The following ANKRD30A variants were observed in gnomAD, a reference collection of about 807,000 sequenced individuals.
The protein encoded by ANKRD30A is ankyrin repeat domain-containing protein 30A.
In ANKRD30A, 170 loss-of-function variants were observed where a neutral mutation model predicts 166.3. The ratio of observed to expected loss-of-function variants is 1.02; its 90% CI spans 0.90 to 1.16. ANKRD30A has a LOEUF of 1.16. ANKRD30A is among the 50% of genes most tolerant of loss of function. ANKRD30A has a pLI of 0.00. For missense variants in ANKRD30A, 1,630 were observed against 1,518.0 expected (o/e 1.07, Z -1.23); for synonymous variants, 564 against 508.9 (o/e 1.11, Z -1.46).
chr10:37,220,214 C>T (rs1357719148), intron 34 of ANKRD30A, among the ~76,000 whole-genome samples: 1 of 150,118 alleles, frequency 6.7e-6, no homozygotes, highest in Non-Finnish European at 1.5e-5. Flanking sequence ...TTGGCTTTTA[C>T]TGTTGAAATA....
At chr10:37,263,538 G>A in the ANKRD30A span, among the ~76,000 whole-genome samples, 2 of 151,250 alleles carry the variant, frequency 1.3e-5, no homozygotes, top group Non-Finnish European at 2.9e-5. Context: ...AGATCATCAG[G>A]CATTAAATTT....
At chr10:37,239,712 T>G in the ANKRD30A span, among the ~76,000 whole-genome samples, 3 of 152,138 alleles carry the variant, frequency 2.0e-5, no homozygotes, top group Non-Finnish European at 2.9e-5. Flanking sequence ...TTGTAATTTT[T>G]TCTCAGGTTT....
At chr10:37,257,525 T>C in the ANKRD30A span, among the ~76,000 whole-genome samples, 1 of 152,206 alleles carries the variant, frequency 6.6e-6, no homozygotes, top group Non-Finnish European at 1.5e-5. Flanking sequence ...AGCTTTCTGT[T>C]GTGGGAATTG....
chr10:37,253,649 CTTTT>C, the ANKRD30A span, among the ~76,000 whole-genome samples: 1 of 130,054 alleles, frequency 7.7e-6, no homozygotes, highest in Non-Finnish European at 1.6e-5. Flanking sequence ...TTTTCTTTTT[CTTTT>C]TTTTTTTTTT....
chr10:37,139,584 T>C (rs181966820), intron 6 of ANKRD30A, among the ~76,000 whole-genome samples: 4 of 152,376 alleles, frequency 2.6e-5, no homozygotes, highest in African/African-American at 9.6e-5. Flanking sequence ...CTTTCAGCCA[T>C]AACCATATCT....
At chr10:37,234,144 C>A (rs1843567625), downstream of ANKRD30A, among the ~76,000 whole-genome samples, 1 of 152,150 alleles carries the variant, frequency 6.6e-6, no homozygotes, top group South Asian at 2.1e-4. Context: ...GTTCTTGCAC[C>A]TGTCACCAAC....
At chr10:37,225,607 G>A in intron 34 of ANKRD30A, among the ~76,000 whole-genome samples, 1 of 151,802 alleles carries the variant, frequency 6.6e-6, no homozygotes, top group East Asian at 1.9e-4. Flanking sequence ...GCTTTGAGCA[G>A]TGAAAGAGAT....
downstream of ANKRD30A, among the ~76,000 whole-genome samples, chr10:37,232,831 G>A (rs1843505901): frequency 6.9e-6 from 1 of 145,912 alleles, no homozygotes; most frequent in African/African-American, 2.5e-5. Flanking sequence ...AGGCTGTAGT[G>A]TATCATAATC....
intron 31 of ANKRD30A, among the ~76,000 whole-genome samples, chr10:37,208,726 A>G (rs943729862): frequency 2.6e-5 from 4 of 152,122 alleles, no homozygotes; most frequent in African/African-American, 9.7e-5. Context: ...TCAGAAACAA[A>G]TTGCATTCTT....
At chr10:37,214,346 T>C (rs890923636) in intron 31 of ANKRD30A, among the ~76,000 whole-genome samples, 1 of 151,436 alleles carries the variant, frequency 6.6e-6, no homozygotes, top group African/African-American at 2.4e-5. Flanking sequence ...TACTTTTATA[T>C]CCATTCTGAC....
At chr10:37,147,000 G>A (rs1419436263) in intron 8 of ANKRD30A, among the ~76,000 whole-genome samples, 5 of 152,210 alleles carry the variant, frequency 3.3e-5, no homozygotes, top group African/African-American at 1.2e-4. Context: ...CCCAACATGT[G>A]TTATGGCAGG....
At chr10:37,201,565 A>G (rs925666116) in intron 31 of ANKRD30A, among the ~76,000 whole-genome samples, 1 of 152,098 alleles carries the variant, frequency 6.6e-6, no homozygotes, top group Non-Finnish European at 1.5e-5. Context: ...ACCTGAGGAC[A>G]ATGAGAAAAT....
chr10:37,146,238 T>G (rs1837503444), intron 8 of ANKRD30A, among the ~76,000 whole-genome samples: 1 of 152,288 alleles, frequency 6.6e-6, no homozygotes, highest in African/African-American at 2.4e-5. Context: ...ACTTTTTCAT[T>G]TTATTCAAGT....
At chr10:37,135,614 C>A (rs940976993) in intron 5 of ANKRD30A, among the ~76,000 whole-genome samples, 2 of 152,060 alleles carry the variant, frequency 1.3e-5, no homozygotes, top group South Asian at 4.1e-4. Flanking sequence ...TCTTCCACAG[C>A]AGCTGGAAAT....
chr10:37,207,599 G>T (rs1454870054), intron 31 of ANKRD30A, among the ~76,000 whole-genome samples: 3 of 150,586 alleles, frequency 2.0e-5, no homozygotes, highest in Non-Finnish European at 4.4e-5. Context: ...TTTTTAACTT[G>T]TGAAAAATTA....
the ANKRD30A span, chr10:37,241,292 A>G: frequency 6.7e-6 from 1 of 148,188 alleles, no homozygotes; most frequent in Non-Finnish European, 1.5e-5. Flanking sequence ...TTTTATTTTT[A>G]AAATTATATA....
At chr10:37,159,853 C>T (rs1256364750) in intron 15 of ANKRD30A, among the ~76,000 whole-genome samples, 1 of 152,090 alleles carries the variant, frequency 6.6e-6, no homozygotes, top group Non-Finnish European at 1.5e-5. Flanking sequence ...TGCCACCATG[C>T]CCGGCTAATG....
At chr10:37,244,561 T>G in the ANKRD30A span, among the ~76,000 whole-genome samples, 1 of 152,254 alleles carries the variant, frequency 6.6e-6, no homozygotes. Context: ...ACCAGTCTCT[T>G]GTGTCCCTGC....
intron 34 of ANKRD30A, among the ~76,000 whole-genome samples, chr10:37,225,762 T>C (rs942449900): frequency 6.6e-6 from 1 of 151,844 alleles, no homozygotes; most frequent in African/African-American, 2.4e-5. Flanking sequence ...CATCCTATGA[T>C]GACTTCAAGT....
Sources: gnomAD v4.1 joint callset for allele counts (sites outside exome capture counted in the v4.1 genomes callset) on GRCh38, gnomAD v4.1.1 for gene constraint, MANE v1.5 for transcripts, NCBI Gene and HGNC (gene_info 2026-07-23, HGNC 2026-07-21) for gene names.